The following ZNF33B variants were observed in gnomAD, a reference collection of about 807,000 sequenced individuals.
ZNF33B encodes the protein zinc finger protein 11b (KOX 2).
ZNF33B carries 29 observed loss-of-function variants against 45.8 expected under a neutral mutation model. The observed-to-expected ratio is 0.63, with a 90% CI of 0.47 to 0.86. The LOEUF (loss-of-function observed/expected upper bound fraction) is 0.86, where lower values mean the gene tolerates loss of function less well. Ranked by LOEUF, ZNF33B falls within the 40% of genes least tolerant of loss-of-function variation. The pLI, the probability that ZNF33B is intolerant of heterozygous loss-of-function variation, is 0.00. For missense variants in ZNF33B, 831 were observed against 909.9 expected, an observed-to-expected ratio of 0.91 and a Z score of 1.12; for synonymous variants, 305 against 307.8, an observed-to-expected ratio of 0.99 and a Z score of 0.10.
intron 3 of ZNF33B, 30 bp downstream of exon 3, chr10:42,632,265 A>G (rs2132164449): frequency 6.3e-7 from 1 of 1,583,224 alleles, no homozygotes; most frequent in East Asian, 2.2e-5. Flanking sequence ...AACGAATGCT[A>G]TTTAGAATGA....
intron 4 of ZNF33B, among the ~76,000 whole-genome samples, chr10:42,608,881 GAA>G (rs575458559): frequency 2.1e-5 from 2 of 97,230 alleles, no homozygotes; most frequent in Admixed American, 1.1e-4. Context: ...ACTGACAATG[GAA>G]AAAAAAAAAA....
chr10:42,575,033 C>T (rs189686259), intron 1 of ZNF33B, among the ~76,000 whole-genome samples: 1 of 152,238 alleles, frequency 6.6e-6, no homozygotes, highest in Admixed American at 6.5e-5. Context: ...CCATAATGTA[C>T]ATTTTCAGAT....
intron 4 of ZNF33B, among the ~76,000 whole-genome samples, chr10:42,604,773 G>A (rs1328023819): frequency 6.6e-6 from 1 of 151,666 alleles, no homozygotes; most frequent in East Asian, 2.0e-4. Context: ...AAAAAAGTTA[G>A]CTGAGTGTGG....
chr10:42,618,206 T>C (rs1436986973), intron 4 of ZNF33B, among the ~76,000 whole-genome samples: 1 of 152,190 alleles, frequency 6.6e-6, no homozygotes, highest in East Asian at 1.9e-4. Flanking sequence ...AACATGTAAA[T>C]TTTTGAGATT....
chr10:42,636,723 G>A (rs1174948997), intron 2 of ZNF33B, 197 bp downstream of exon 2: 4 of 658,324 alleles, frequency 6.1e-6, no homozygotes, highest in Non-Finnish European at 1.0e-5. Flanking sequence ...GGGAGGCTGA[G>A]GCAGGTGAAT....
chr10:42,596,510 T>G (rs1147919), intron 4 of ZNF33B, among the ~76,000 whole-genome samples: 1 of 152,066 alleles, frequency 6.6e-6, no homozygotes, highest in African/African-American at 2.4e-5. Context: ...AATTACTACA[T>G]GGAATTATAT....
intron 4 of ZNF33B, among the ~76,000 whole-genome samples, chr10:42,614,102 T>C (rs1025642382): frequency 4.6e-5 from 7 of 152,236 alleles, no homozygotes; most frequent in African/African-American, 7.2e-5. Flanking sequence ...AACTGTATGT[T>C]TGCCAAGACA....
At chr10:42,600,839 T>C (rs1837589853) in intron 4 of ZNF33B, among the ~76,000 whole-genome samples, 1 of 152,216 alleles carries the variant, frequency 6.6e-6, no homozygotes. Context: ...GTTATTTTTG[T>C]ATAAAGTCAA....
chr10:42,599,839 T>C lies in ZNF33B; in HGVS notation c.251-5140A>G, dbSNP rs1468672264. 2.6e-5 allele frequency among the ~76,000 whole-genome samples: 4 copies of C among 152,102 alleles called. No individual in the cohort carries two copies. In the East Asian group the frequency reaches 7.7e-4, roughly 29 times the overall value. Reference sequence around the variant, plus strand: ...CAATGAGTATTGTATGTATTTTATATTTCCTATGAATTTCCTATATGTAAA... The same window carrying C: ...CAATGAGTATTGTATGTATTTTATACTTCCTATGAATTTCCTATATGTAAA... On this transcript the variant is annotated intron_variant, in intron 4 of 4. Coordinates refer to ENST00000359467, the MANE Select transcript of ZNF33B (RefSeq NM_006955.3).
chr10:42,607,330 T>C (rs1837903152), intron 4 of ZNF33B, among the ~76,000 whole-genome samples: 1 of 65,184 alleles, frequency 1.5e-5, no homozygotes, highest in Non-Finnish European at 4.1e-5. Flanking sequence ...CATTTCACGT[T>C]GTGTACACAT....
At chr10:42,600,286 G>T (rs1837565491) in intron 4 of ZNF33B, among the ~76,000 whole-genome samples, 1 of 151,994 alleles carries the variant, frequency 6.6e-6, no homozygotes, top group African/African-American at 2.4e-5. Context: ...ATTATTAAAA[G>T]GATGCTAAAG....
chr10:42,638,295 G>C (rs1839432631), intron 1 of ZNF33B, among the ~76,000 whole-genome samples, 179 bp downstream of exon 1: 1 of 152,278 alleles, frequency 6.6e-6, no homozygotes, highest in South Asian at 2.1e-4. Flanking sequence ...CCCTACAGAG[G>C]CTGCGCCTTA....
chr10:42,609,353 G>A lies in ZNF33B; in HGVS notation c.251-14654C>T, dbSNP rs374540527. ...AAAATTGCCTGAGCCTGGGAAGTCA[G>A]GCTGCAGTGAGCCATGACTGCACCA... On this transcript the variant is annotated intron_variant, in intron 4 of 4. Coordinates refer to ENST00000359467, the MANE Select transcript of ZNF33B (RefSeq NM_006955.3). Among the ~76,000 whole-genome samples the A allele has an allele frequency of 3.9e-5, 6 of 152,220 alleles. No homozygotes were observed. The East Asian group carries it at 1.2e-3, about 29-fold the overall frequency.
intron 4 of ZNF33B, among the ~76,000 whole-genome samples, chr10:42,597,522 C>T (rs375085743): frequency 3.3e-5 from 5 of 151,908 alleles, no homozygotes; most frequent in Admixed American, 2.0e-4. Context: ...ATTAAGTCAT[C>T]GAAATTTATA....
intron 1 of ZNF33B, among the ~76,000 whole-genome samples, chr10:42,575,016 A>C (rs1423165084): frequency 6.6e-6 from 1 of 152,148 alleles, no homozygotes; most frequent in Admixed American, 6.5e-5. Context: ...AGGGTATTAC[A>C]TGTCTCCCAT....
downstream of ZNF33B, among the ~76,000 whole-genome samples, chr10:42,584,492 T>A (rs562220602): frequency 1.4e-4 from 21 of 151,040 alleles, no homozygotes; most frequent in South Asian, 2.7e-3. Context: ...GCCTAGGGCA[T>A]GGCCAAGCAA....
At chr10:42,606,115 T>C (rs1388627262) in intron 4 of ZNF33B, among the ~76,000 whole-genome samples, 3 of 143,056 alleles carry the variant, frequency 2.1e-5, no homozygotes, top group African/African-American at 7.8e-5. Context: ...AGAAATACAT[T>C]GATAAACAAG....
chr10:42,586,731 T>C (rs1295776488), downstream of ZNF33B, among the ~76,000 whole-genome samples: 1 of 152,226 alleles, frequency 6.6e-6, no homozygotes, highest in Non-Finnish European at 1.5e-5. Context: ...TGAGTTTGAT[T>C]TTTTCAGTAG....
chr10:42,638,481 T>C lies in ZNF33B; in HGVS notation c.-52A>G. On this transcript the variant is annotated 5_prime_UTR_variant, in exon 1 of 5. Coordinates refer to ENST00000359467, the MANE Select transcript of ZNF33B (RefSeq NM_006955.3). ...CAACCCGCGGAGGCTTACCTCACTC[T>C]CTCTTCGGGTTGCATTCGCCATAAG... 1 of 447,264 alleles carries C rather than the reference T, an allele frequency of 2.2e-6. No individual in the cohort carries two copies. Among genetic ancestry groups the C allele is most frequent in the South Asian group, 1.6e-5 (1 of 61,770 alleles). 27.7% of individuals were successfully genotyped at this position (447,264 alleles called of 1,614,324 possible).
Sources: allele counts gnomAD v4.1 joint callset (sites outside exome capture counted in the v4.1 genomes callset), GRCh38; gene constraint gnomAD v4.1.1; transcripts MANE v1.5; gene names NCBI Gene and HGNC (gene_info 2026-07-23, HGNC 2026-07-21).